Variants in SMARCC2 observed in about 807,000 individuals in gnomAD.
SMARCC2 encodes SWI/SNF related BAF chromatin remodeling complex subunit C2, also known as SWI/SNF complex subunit SMARCC2.
Under a neutral mutation model 151.3 loss-of-function variants are expected in SMARCC2, and 15 were observed. That is an observed-to-expected ratio of 0.10 (90% CI 0.07 to 0.15). The LOEUF (loss-of-function observed/expected upper bound fraction) is 0.15, where lower values mean the gene tolerates loss of function less well. Ranked by LOEUF, SMARCC2 falls within the 10% of genes least tolerant of loss-of-function variation. SMARCC2 has a pLI of 1.00. For missense variants in SMARCC2, 1,031 were observed against 1,599.7 expected (o/e 0.64, Z 6.06); for synonymous variants, 590 against 609.5 (o/e 0.97, Z 0.47).
In SMARCC2 at chr12:56,164,461, A is replaced by G. The variant is rs775049308; in HGVS notation, c.3503T>C (p.Val1168Ala). The stretch of plus-strand genomic sequence containing the variant: ...AGGATGTAGAGGGTTCGCCATGGAC[A>G]CAGGCAGGTTAGGTGGGGGGAGAGT... Reference protein sequence around the residue: ...PGTLPPPNLPVSMANPLHPNL... With the variant: ...PGTLPPPNLPASMANPLHPNL... The change falls in exon 28 of 29, where the codon GTG (valine) becomes GCG (alanine). Residue 1168 changes from valine (V) to alanine (A), a missense_variant. Physicochemically the swap from Val to Ala is moderately conservative, Grantham distance 64. Coordinates refer to ENST00000550164, the MANE Select transcript of SMARCC2 (RefSeq NM_001330288.2). 1 of 1,614,160 alleles carries G rather than the reference A, an allele frequency of 6.2e-7. No individual in the cohort carries two copies. Among genetic ancestry groups the G allele is most frequent in the South Asian group, 1.1e-5 (1 of 91,084 alleles).
Position 56,180,551 on chromosome 12 carries a change from C to G in SMARCC2, c.1081+426G>C, listed in dbSNP as rs567243858. On this transcript the variant is annotated intron_variant, in intron 11 of 28. Coordinates refer to ENST00000550164, the MANE Select transcript of SMARCC2 (RefSeq NM_001330288.2). The stretch of plus-strand genomic sequence containing the variant: ...CCCGAGTAGCTGGGATTACAGGTGC[C>G]CACCACCACGCCCAGCTAATTTTTG... Among the ~76,000 whole-genome samples, 64 of 151,736 alleles carry G rather than the reference C, an allele frequency of 4.2e-4. No individual in the cohort carries two copies. In the East Asian group the frequency reaches 6.8e-3, roughly 16 times the overall value.
At chr12:56,178,304 G>GA in intron 14 of SMARCC2, 100 bp downstream of exon 14, 1 of 1,423,930 alleles carries the variant, frequency 7.0e-7, no homozygotes, top group Non-Finnish European at 9.9e-7. Flanking sequence ...TTTGGGTGAG[G>GA]AAAAAATAAC....
intron 3 of SMARCC2, 134 bp from the exon 4 acceptor site, chr12:56,185,245 C>A: frequency 1.5e-6 from 1 of 679,782 alleles, no homozygotes; most frequent in Non-Finnish European, 2.6e-6. Flanking sequence ...GTGGCGCGAT[C>A]CCGGCTCACT....
chr12:56,187,784 T>C (rs11171772), intron 1 of SMARCC2, among the ~76,000 whole-genome samples: 6,224 of 152,234 alleles, frequency 0.041, 377 homozygotes, highest in African/African-American at 0.13. Flanking sequence ...GGAGGGCAAG[T>C]TGACTGAGTG....
chr12:56,164,443 A>G lies in SMARCC2; in HGVS notation c.3521T>C (p.Leu1174Pro). ...PNLPVSMANP[L>P]HPNLPATTTM... ...GGTGGTCGCCGGCAGGTTAGGATGT[A>G]GAGGGTTCGCCATGGACACAGGCAG... The change falls in exon 28 of 29, where the codon CTA becomes CCA. Residue 1174 changes from leucine (L) to proline (P), a missense_variant. Leu to Pro is a moderately conservative substitution (Grantham distance 98). This residue lies in a region of SMARCC2 where 310 missense variants were observed against 350.0 expected (regional missense o/e 0.89). Coordinates refer to ENST00000550164, the MANE Select transcript of SMARCC2 (RefSeq NM_001330288.2). The G allele has an allele frequency of 6.2e-7, 1 of 1,614,112 alleles. No homozygotes were observed. Among genetic ancestry groups the G allele is most frequent in the Non-Finnish European group, 8.5e-7 (1 of 1,180,032 alleles).
chr12:56,176,547 G>A (rs866665600), intron 15 of SMARCC2, among the ~76,000 whole-genome samples: 2 of 151,922 alleles, frequency 1.3e-5, no homozygotes, highest in Non-Finnish European at 2.9e-5. Context: ...GCGCAATCTC[G>A]GCTCACTGCA....
rs1278792820 is a variant in SMARCC2, at chr12:56,178,416, A to G, written c.1298T>C (p.Phe433Ser). ...GGGACAACCATACCTATTGTAGTCA[A>G]ACCAGGCAGCGTAGCTGGGAATGAT... ...HIIIPSYAAW[F>S]DYNSVHAIER... The change falls in exon 14 of 29, where the codon TTT (phenylalanine) becomes TCT (serine). Residue 433 changes from phenylalanine (F) to serine (S), a missense_variant. By Grantham distance (155) the Phe-to-Ser change is radical. This residue lies in a region of SMARCC2 where 51 missense variants were observed against 135.1 expected (regional missense o/e 0.38). Transcript: ENST00000550164. The G allele has an allele frequency of 6.2e-7, 1 of 1,614,266 alleles. No homozygotes were observed.
intron 2 of SMARCC2, 22 bp downstream of exon 2, chr12:56,187,165 T>G (rs373038787): frequency 6.6e-4 from 1,055 of 1,597,492 alleles, no homozygotes; most frequent in Non-Finnish European, 5.5e-4. Flanking sequence ...CCCCCCACCC[T>G]CCCTGCTACT....
intron 15 of SMARCC2, 80 bp from the exon 16 acceptor site, chr12:56,174,844 G>A: frequency 3.4e-6 from 3 of 879,052 alleles, no homozygotes; most frequent in South Asian, 1.4e-5. Context: ...TGGTAAGAGA[G>A]CTAATGACTT....
chr12:56,175,693 A>G (rs1005065782), intron 15 of SMARCC2, among the ~76,000 whole-genome samples: 1 of 152,132 alleles, frequency 6.6e-6, no homozygotes, highest in Non-Finnish European at 1.5e-5. Context: ...TAGCTCTGTG[A>G]CTTTATGCAG....
chr12:56,168,655 T>A (rs1873315943), intron 25 of SMARCC2, among the ~76,000 whole-genome samples: 1 of 152,124 alleles, frequency 6.6e-6, no homozygotes, highest in Admixed American at 6.5e-5. Flanking sequence ...ATTACACGCG[T>A]GAGCCACTGC....
At chr12:56,187,154 AC>A in intron 2 of SMARCC2, 32 bp downstream of exon 2, 1 of 1,580,794 alleles carries the variant, frequency 6.3e-7, no homozygotes, top group Non-Finnish European at 8.6e-7. Flanking sequence ...CACCACCACC[AC>A]CCCCCACCCT....
At chr12:56,182,687 C>A (rs940917931) in intron 7 of SMARCC2, among the ~76,000 whole-genome samples, 6 of 150,088 alleles carry the variant, frequency 4.0e-5, no homozygotes, top group South Asian at 2.1e-4. Context: ...GAACTTCCAG[C>A]CTTTAGTGAT....
At chr12:56,166,756 ATTTG>A (rs1029446237) in intron 26 of SMARCC2, among the ~76,000 whole-genome samples, 2 of 151,910 alleles carry the variant, frequency 1.3e-5, no homozygotes, top group African/African-American at 4.8e-5. Context: ...CGCCCGGCTA[ATTTG>A]TTTATTTTTA....
intron 26 of SMARCC2, 82 bp from the exon 27 acceptor site, chr12:56,165,781 C>G: frequency 7.4e-7 from 1 of 1,354,248 alleles, no homozygotes; most frequent in Admixed American, 1.8e-5. Context: ...TTGTCTTCTT[C>G]TGAAAGAGCC....
At position 56,179,062 on chromosome 12, in the gene SMARCC2, A is replaced by T; in HGVS notation, c.1082-6T>A. 6.2e-7 allele frequency: 1 copy of T among 1,613,930 alleles called. No individual in the cohort carries two copies. Among genetic ancestry groups the T allele is most frequent in the Non-Finnish European group, 8.5e-7 (1 of 1,179,772 alleles). Reference sequence around the variant, plus strand: ...TGAGTCTTTCTTTGTGTTGACTGCGAAAACAGAGAGTCATTTTATCAGACA... The same window carrying T: ...TGAGTCTTTCTTTGTGTTGACTGCGTAAACAGAGAGTCATTTTATCAGACA... On this transcript the variant is annotated splice_polypyrimidine_tract_variant and splice_region_variant and intron_variant, in intron 11 of 28. Coordinates refer to ENST00000550164, the MANE Select transcript of SMARCC2 (RefSeq NM_001330288.2).
In SMARCC2 at chr12:56,184,188, C is replaced by A. The variant is rs1318317632; in HGVS notation, c.549G>T (p.Gly183=). The change falls in exon 6 of 29, where the codon GGG becomes GGT. Residue 183 remains glycine (G), a synonymous_variant. Coordinates refer to ENST00000550164, the MANE Select transcript of SMARCC2 (RefSeq NM_001330288.2). Reference sequence around the variant, plus strand: ...CCCAGGTCTCACCTTCTTCTAGATTCCCCGGGACAGGATACACAACATGGG... The same window carrying A: ...CCCAGGTCTCACCTTCTTCTAGATTACCCGGGACAGGATACACAACATGGG... The part of the protein sequence containing the change: ...NASHVVYPVP[G]NLEEEEWVRP... The A allele has an allele frequency of 6.2e-7, 1 of 1,612,702 alleles. No homozygotes were observed. Among genetic ancestry groups the A allele is most frequent in the East Asian group, 2.2e-5 (1 of 44,888 alleles).
intron 15 of SMARCC2, among the ~76,000 whole-genome samples, chr12:56,175,951 C>T (rs550692827): frequency 3.6e-4 from 55 of 152,096 alleles, no homozygotes; most frequent in Non-Finnish European, 6.3e-4. Context: ...CTCCACCTCC[C>T]GGGCTCAAGT....
chr12:56,185,099 A>G lies in SMARCC2; in HGVS notation c.330T>C (p.Asp110=). The G allele has an allele frequency of 6.2e-7, 1 of 1,614,070 alleles. No individual in the cohort carries two copies. The highest frequency in any genetic ancestry group is 8.5e-7 in the Non-Finnish European group (1 of 1,179,942). Residue 110 remains aspartate (D), a synonymous_variant, in exon 4 of 29, where the codon GAT becomes GAC. Coordinates refer to ENST00000550164, the MANE Select transcript of SMARCC2 (RefSeq NM_001330288.2). ...FKSDQGWRRY[D]FQNPSRMDRN... is the part of the protein sequence containing the mutation. ...GGTCCATGCGTGATGGATTCTGGAA[A>G]TCGTAACGCCGCCTTGTGAAGAGGC...
Sources: allele counts gnomAD v4.1 joint callset (sites outside exome capture counted in the v4.1 genomes callset), GRCh38; gene constraint gnomAD v4.1.1; regional missense constraint gnomAD v4.1.1; transcripts MANE v1.5; gene names NCBI Gene and HGNC (gene_info 2026-07-23, HGNC 2026-07-21).